FGF14: variants seen among roughly 807,000 people sequenced by gnomAD.
FGF14 encodes fibroblast growth factor 14.
Under a neutral mutation model 25.5 loss-of-function variants are expected in FGF14, and 5 were observed. The observed-to-expected ratio is 0.20, with a 90% CI of 0.10 to 0.41. The LOEUF (loss-of-function observed/expected upper bound fraction) is 0.41, where lower values mean the gene tolerates loss of function less well. FGF14 is among the 10% of genes least tolerant of loss of function. FGF14 has a pLI of 1.00. For synonymous variants in FGF14, 138 were observed against 118.3 expected (o/e 1.17, Z -1.08); for missense variants, 222 against 320.1 (o/e 0.69, Z 2.34).
At chr13:102,389,596 G>A (rs2058384211) in intron 1 of FGF14, among the ~76,000 whole-genome samples, 1 of 152,158 alleles carries the variant, frequency 6.6e-6, no homozygotes, top group Admixed American at 6.5e-5. Flanking sequence ...CCTCCCTCCA[G>A]GTTAGAGGAC....
intron 1 of FGF14, among the ~76,000 whole-genome samples, chr13:102,342,207 G>A (rs918318317): frequency 1.3e-4 from 20 of 152,076 alleles, no homozygotes; most frequent in African/African-American, 4.8e-4. Flanking sequence ...TTCTGCAGGG[G>A]AACAATGAAG....
At chr13:101,972,193 C>T (rs916796638) in intron 1 of FGF14, among the ~76,000 whole-genome samples, 2 of 152,198 alleles carry the variant, frequency 1.3e-5, no homozygotes, top group Non-Finnish European at 2.9e-5. Flanking sequence ...CCGAGGCACT[C>T]TGTGCTTTAG....
chr13:102,111,414 A>G (rs1246150369), intron 1 of FGF14, among the ~76,000 whole-genome samples: 1 of 152,164 alleles, frequency 6.6e-6, no homozygotes, highest in Non-Finnish European at 1.5e-5. Context: ...TGTTTACTAC[A>G]TATCAAGATT....
chr13:101,943,805 C>T (rs1348957592), intron 1 of FGF14, among the ~76,000 whole-genome samples: 1 of 113,856 alleles, frequency 8.8e-6, no homozygotes, highest in East Asian at 2.2e-4. Context: ...GAATCCCTGT[C>T]TCTACTTAAA....
At chr13:101,907,650 G>A (rs2139042718) in intron 1 of FGF14, among the ~76,000 whole-genome samples, 1 of 152,216 alleles carries the variant, frequency 6.6e-6, no homozygotes, top group Non-Finnish European at 1.5e-5. Flanking sequence ...AAAGAGTTTT[G>A]CCAGTAACAG....
chr13:102,399,503 C>G (rs1346870765), intron 1 of FGF14, among the ~76,000 whole-genome samples: 2 of 152,130 alleles, frequency 1.3e-5, no homozygotes, highest in East Asian at 3.9e-4. Flanking sequence ...TTTGAGAAGT[C>G]TTGCAAAAAG....
chr13:102,303,469 A>C lies in FGF14; in HGVS notation c.208+98002T>G, dbSNP rs181941176. Among the ~76,000 whole-genome samples, 308 of 152,338 alleles carry C rather than the reference A, an allele frequency of 2.0e-3. 1 individual carries two copies. Among genetic ancestry groups the C allele is most frequent in the Non-Finnish European group, 4.1e-4 (28 of 68,022 alleles). The stretch of plus-strand genomic sequence containing the variant: ...AACTATAAATAAAAGGAAATCAATA[A>C]AGAATTGCCAAATGAATAATTGAGT... On this transcript the variant is annotated intron_variant, in intron 1 of 4. Coordinates refer to the FGF14 transcript ENST00000376131.
intron 1 of FGF14, among the ~76,000 whole-genome samples, chr13:102,112,150 A>C (rs2045261712): frequency 6.6e-6 from 1 of 152,090 alleles, no homozygotes; most frequent in South Asian, 2.1e-4. Context: ...ATCTCTCAAA[A>C]CTCTGAGCGA....
intron 1 of FGF14, among the ~76,000 whole-genome samples, chr13:102,132,578 T>A (rs1210443059): frequency 2.0e-5 from 3 of 151,636 alleles, no homozygotes; most frequent in Non-Finnish European, 4.4e-5. Context: ...CTCAGCTCAC[T>A]GCAACCTCTG....
intron 1 of FGF14, among the ~76,000 whole-genome samples, chr13:102,188,118 T>A (rs1365519615): frequency 2.0e-5 from 3 of 152,196 alleles, no homozygotes; most frequent in Non-Finnish European, 2.9e-5. Context: ...ATACCTAGGC[T>A]CCAACTTAAA....
chr13:101,836,695 G>A (rs1462434555), intron 3 of FGF14, among the ~76,000 whole-genome samples: 5 of 151,978 alleles, frequency 3.3e-5, no homozygotes, highest in Admixed American at 2.6e-4. Flanking sequence ...TTTTCCAAGT[G>A]TATGACAGTA....
intron 1 of FGF14, among the ~76,000 whole-genome samples, chr13:102,167,083 C>G (rs574263761): frequency 4.2e-4 from 64 of 151,962 alleles, no homozygotes; most frequent in African/African-American, 1.4e-3. Context: ...GGTGGATCAC[C>G]TGAGGTCAGG....
At chr13:102,296,215 T>C (rs574391232) in intron 1 of FGF14, among the ~76,000 whole-genome samples, 1 of 152,296 alleles carries the variant, frequency 6.6e-6, no homozygotes, top group African/African-American at 2.4e-5. Flanking sequence ...GGTCTCTGAG[T>C]TCTAGAGATC....
At chr13:102,123,367 G>A (rs1160840812) in intron 1 of FGF14, among the ~76,000 whole-genome samples, 2 of 152,110 alleles carry the variant, frequency 1.3e-5, no homozygotes, top group Admixed American at 1.3e-4. Flanking sequence ...GTTAGAAAAT[G>A]AAGTTTTGCT....
chr13:101,977,805 G>A lies in FGF14; in HGVS notation c.209-102509C>T, dbSNP rs151192989. Among the ~76,000 whole-genome samples, 528 of 152,242 alleles carry A rather than the reference G, an allele frequency of 3.5e-3. 2 individuals are homozygous for A. Among genetic ancestry groups the A allele is most frequent in the African/African-American group, 0.012 (510 of 41,548 alleles). ...ATCATTGGACTCTACATTAATGTGT[G>A]CCAATAAACTCCCATTTTATATAAG... On this transcript the variant is annotated intron_variant, in intron 1 of 4. Transcript: ENST00000376131.
At chr13:101,923,513 G>A (rs1372724358) in intron 1 of FGF14, among the ~76,000 whole-genome samples, 1 of 151,976 alleles carries the variant, frequency 6.6e-6, no homozygotes, top group Non-Finnish European at 1.5e-5. Flanking sequence ...TGTACTTGGG[G>A]CAAATTTTCA....
chr13:102,308,945 A>C (rs950594520), intron 1 of FGF14, among the ~76,000 whole-genome samples: 1 of 151,784 alleles, frequency 6.6e-6, no homozygotes, highest in Admixed American at 6.6e-5. Context: ...CACAAAAAAA[A>C]CAGACCCTAG....
At chr13:102,147,018 G>A (rs1240479942) in intron 1 of FGF14, among the ~76,000 whole-genome samples, 8 of 152,202 alleles carry the variant, frequency 5.3e-5, no homozygotes, top group Admixed American at 1.3e-4. Flanking sequence ...GATGCTCATT[G>A]ATGGAAGCTC....
At chr13:102,306,961 C>T (rs773493622) in intron 1 of FGF14, among the ~76,000 whole-genome samples, 22 of 152,120 alleles carry the variant, frequency 1.4e-4, no homozygotes, top group Non-Finnish European at 2.9e-4. Flanking sequence ...GTAAGGACCT[C>T]GAGATGGAAA....
Sources: gnomAD v4.1 joint callset for allele counts (sites outside exome capture counted in the v4.1 genomes callset) on GRCh38, gnomAD v4.1.1 for gene constraint, MANE v1.5 for transcripts, NCBI Gene and HGNC (gene_info 2026-07-23, HGNC 2026-07-21) for gene names.